ADRA1B: variants seen among roughly 807,000 people sequenced by gnomAD.
The protein encoded by ADRA1B is alpha-1B adrenergic receptor.
Under a neutral mutation model 17.9 loss-of-function variants are expected in ADRA1B, and 17 were observed. The observed-to-expected ratio is 0.95, with a 90% CI of 0.65 to 1.42. ADRA1B has a LOEUF of 1.42. Ranked by LOEUF, ADRA1B falls within the 40% of genes most tolerant of loss-of-function variation. The pLI is 0.00. For missense variants in ADRA1B, 681 were observed against 722.1 expected, an observed-to-expected ratio of 0.94 and a Z score of 0.65; for synonymous variants, 366 against 327.6, an observed-to-expected ratio of 1.12 and a Z score of -1.27.
At chr5:159,886,871 A>G (rs1753930998) in intron 1 of ADRA1B, among the ~76,000 whole-genome samples, 1 of 152,180 alleles carries the variant, frequency 6.6e-6, no homozygotes, top group African/African-American at 2.4e-5. Flanking sequence ...GTAAATATAT[A>G]TATACATACA....
At chr5:159,908,734 G>A (rs781574215) in intron 1 of ADRA1B, among the ~76,000 whole-genome samples, 6 of 152,264 alleles carry the variant, frequency 3.9e-5, no homozygotes, top group East Asian at 1.9e-4. Context: ...ATGAGATGAC[G>A]CATATGGATT....
intron 1 of ADRA1B, among the ~76,000 whole-genome samples, chr5:159,935,295 T>C (rs2113211576): frequency 6.6e-6 from 1 of 152,324 alleles, no homozygotes; most frequent in South Asian, 2.1e-4. Flanking sequence ...TCATGTTTCT[T>C]TCTTTTTAAA....
In ADRA1B at chr5:159,933,891, G is replaced by A. The variant is rs1754879015; in HGVS notation, c.949+16037G>A. On this transcript the variant is annotated intron_variant, in intron 1 of 1. Coordinates refer to ENST00000306675, the MANE Select transcript of ADRA1B (RefSeq NM_000679.4). ...AGGCACTCAAAGGATGAGTTAATAA[G>A]GAAGGATTCCTCTAGGCATCCAAGC... 1.3e-5 allele frequency among the ~76,000 whole-genome samples: 2 copies of A among 152,378 alleles called. 1 individual carries two copies. The highest frequency in any genetic ancestry group is 1.3e-4 in the Admixed American group (2 of 15,310).
At chr5:159,973,219 T>C (rs562085385), downstream of ADRA1B, among the ~76,000 whole-genome samples, 1 of 152,360 alleles carries the variant, frequency 6.6e-6, no homozygotes, top group Admixed American at 6.5e-5. Flanking sequence ...CCTTTGCGGT[T>C]ACTGACCTAC....
At chr5:159,958,559 A>AT (rs1755608432) in intron 1 of ADRA1B, among the ~76,000 whole-genome samples, 1 of 151,978 alleles carries the variant, frequency 6.6e-6, no homozygotes, top group South Asian at 2.1e-4. Context: ...TGATCTGGAT[A>AT]TTTTTCTCAT....
chr5:159,931,393 C>CAAA (rs144950450), intron 1 of ADRA1B, among the ~76,000 whole-genome samples: 2 of 132,204 alleles, frequency 1.5e-5, no homozygotes, highest in South Asian at 4.8e-4. Flanking sequence ...GACCCTATCT[C>CAAA]AAAAAAAAAA....
the ADRA1B span, among the ~76,000 whole-genome samples, chr5:159,981,640 C>A: frequency 4.6e-5 from 7 of 152,172 alleles, no homozygotes; most frequent in African/African-American, 1.7e-4. Flanking sequence ...GGACTACAGG[C>A]ACCCACCACC....
intron 1 of ADRA1B, among the ~76,000 whole-genome samples, chr5:159,902,872 G>A (rs1428119363): frequency 1.3e-5 from 2 of 152,218 alleles, no homozygotes; most frequent in African/African-American, 4.8e-5. Context: ...TGAGAATGTG[G>A]GGGTTTTCCT....
intron 1 of ADRA1B, among the ~76,000 whole-genome samples, chr5:159,961,705 C>T (rs1303178252): frequency 2.0e-5 from 3 of 152,236 alleles, no homozygotes; most frequent in African/African-American, 7.2e-5. Flanking sequence ...TCTCCACCCA[C>T]TGACTCCCCT....
chr5:159,892,033 T>A (rs187092762), intron 1 of ADRA1B, among the ~76,000 whole-genome samples: 285 of 152,304 alleles, frequency 1.9e-3, no homozygotes, highest in Non-Finnish European at 3.4e-3. Flanking sequence ...GGTCAGGAGT[T>A]GGACATCAGC....
chr5:159,924,508 A>T (rs1004665963), intron 1 of ADRA1B, among the ~76,000 whole-genome samples: 4 of 152,164 alleles, frequency 2.6e-5, no homozygotes, highest in African/African-American at 9.7e-5. Flanking sequence ...GGGCTGGGTG[A>T]ATGAGTTAGC....
chr5:159,867,162 G>A (rs183924287), intron 1 of ADRA1B: 1 of 152,220 alleles, frequency 6.6e-6, no homozygotes, highest in Admixed American at 6.5e-5. Flanking sequence ...TTGCCCACTG[G>A]TCCCCTCAAA....
chr5:159,950,900 C>A, intron 1 of ADRA1B: 1 of 568,978 alleles, frequency 1.8e-6, no homozygotes, highest in Admixed American at 2.2e-5. Flanking sequence ...CTGGAGAGCC[C>A]CGCAGCCGTC....
At chr5:159,983,901 C>A in the ADRA1B span, among the ~76,000 whole-genome samples, 1 of 152,028 alleles carries the variant, frequency 6.6e-6, no homozygotes, top group Middle Eastern at 3.2e-3. Flanking sequence ...TCCCTCCCCG[C>A]GTTCTTGCTG....
At chr5:159,988,888 G>A in the ADRA1B span, among the ~76,000 whole-genome samples, 1 of 152,220 alleles carries the variant, frequency 6.6e-6, no homozygotes, top group African/African-American at 2.4e-5. Flanking sequence ...ACTAAAACAG[G>A]AGGATTACTT....
At chr5:159,950,885 A>T (rs113446403) in intron 1 of ADRA1B, 1 of 584,130 alleles carries the variant, frequency 1.7e-6, no homozygotes, top group Admixed American at 2.2e-5. Flanking sequence ...GGCAGGGGTG[A>T]TGTTCTGGAG....
At chr5:159,970,263 GT>G (rs1755844661) in intron 1 of ADRA1B, among the ~76,000 whole-genome samples, 1 of 151,976 alleles carries the variant, frequency 6.6e-6, no homozygotes, top group African/African-American at 2.4e-5. Flanking sequence ...TCTTTAACAT[GT>G]TTTTGTTAAT....
At chr5:159,899,230 A>AGGAG (rs1309567611) in intron 1 of ADRA1B, among the ~76,000 whole-genome samples, 3 of 135,348 alleles carry the variant, frequency 2.2e-5, no homozygotes, top group Admixed American at 7.3e-5. Context: ...AAGGAAGGGA[A>AGGAG]GGAGGGAGGG....
At chr5:159,978,189 C>T in the ADRA1B span, among the ~76,000 whole-genome samples, 3 of 152,174 alleles carry the variant, frequency 2.0e-5, no homozygotes, top group Non-Finnish European at 2.9e-5. Context: ...GTTTTGCTCA[C>T]TGTTGTGTAT....
Sources: gnomAD v4.1 joint callset for allele counts (sites outside exome capture counted in the v4.1 genomes callset) on GRCh38, gnomAD v4.1.1 for gene constraint, MANE v1.5 for transcripts, NCBI Gene and HGNC (gene_info 2026-07-23, HGNC 2026-07-21) for gene names.